Variants in WDR76 observed in about 807,000 individuals in gnomAD.
WDR76 encodes WD repeat-containing protein 76.
Under a neutral mutation model 70.2 loss-of-function variants are expected in WDR76, and 52 were observed. The ratio of observed to expected loss-of-function variants is 0.74; its 90% CI spans 0.59 to 0.93. The LOEUF (loss-of-function observed/expected upper bound fraction) is 0.93, where lower values mean the gene tolerates loss of function less well. Ranked by LOEUF, WDR76 falls within the 40% of genes least tolerant of loss-of-function variation. The pLI is 0.00. For synonymous variants in WDR76, 292 were observed against 271.1 expected (o/e 1.08, Z -0.76); for missense variants, 756 against 760.2 (o/e 0.99, Z 0.07).
intron 12 of WDR76, among the ~76,000 whole-genome samples, chr15:43,863,555 T>C (rs957823605): frequency 6.7e-6 from 1 of 149,882 alleles, no homozygotes. Context: ...ACTACTCTCT[T>C]TTTTAAAAAA....
intron 11 of WDR76, 105 bp from the exon 12 acceptor site, chr15:43,861,228 T>C: frequency 8.2e-6 from 8 of 973,036 alleles, no homozygotes; most frequent in Middle Eastern, 2.9e-4. Context: ...GTGACAGTTA[T>C]ATATTTCATA....
At chr15:43,860,518 T>G (rs2087982500) in intron 11 of WDR76, among the ~76,000 whole-genome samples, 1 of 152,212 alleles carries the variant, frequency 6.6e-6, no homozygotes, top group African/African-American at 2.4e-5. Context: ...ACAGTATCTC[T>G]TTGTTGCCCA....
At chr15:43,859,718 T>A (rs1262622895) in intron 11 of WDR76, among the ~76,000 whole-genome samples, 3 of 152,226 alleles carry the variant, frequency 2.0e-5, no homozygotes, top group Non-Finnish European at 4.4e-5. Context: ...TAGTTTCCTT[T>A]GTCTCAAAAG....
chr15:43,832,432 GTT>G (rs34944412), intron 2 of WDR76, among the ~76,000 whole-genome samples: 1 of 149,464 alleles, frequency 6.7e-6, no homozygotes, highest in Non-Finnish European at 1.5e-5. Context: ...GTTCATCTTT[GTT>G]TTTTTTTTGT....
chr15:43,835,668 T>G (rs1306897832), intron 3 of WDR76, among the ~76,000 whole-genome samples: 1 of 151,858 alleles, frequency 6.6e-6, no homozygotes, highest in Admixed American at 6.6e-5. Context: ...GTCTTTTTTT[T>G]TTTTTTTGAG....
chr15:43,843,932 A>G lies in WDR76; in HGVS notation c.910A>G (p.Ser304Gly). 1 of 1,603,768 alleles carries G rather than the reference A, an allele frequency of 6.2e-7. No individual in the cohort carries two copies. Among genetic ancestry groups the G allele is most frequent in the Non-Finnish European group, 8.5e-7 (1 of 1,174,514 alleles). Residue 304 changes from serine to glycine, a missense_variant, in exon 8 of 13, where the codon AGT (serine) becomes GGT (glycine). Coordinates refer to ENST00000263795, the MANE Select transcript of WDR76 (RefSeq NM_024908.4). ...YKANLNGMVI[S>G]EDTVYKVTTG... ...AGCCAATTTAAATGGCATGGTCATT[A>G]GTGAAGATACCGTTTACAAAGTTAC...
intron 8 of WDR76, among the ~76,000 whole-genome samples, chr15:43,847,625 C>T (rs2087805396): frequency 6.6e-6 from 1 of 152,132 alleles, no homozygotes; most frequent in East Asian, 1.9e-4. Context: ...GTTTCACCAT[C>T]TTGGCCAGGC....
chr15:43,846,299 C>G (rs1410313386), intron 8 of WDR76, among the ~76,000 whole-genome samples: 1 of 147,194 alleles, frequency 6.8e-6, no homozygotes, highest in Non-Finnish European at 1.5e-5. Context: ...TTTTTTCCCG[C>G]CCCTGAGATA....
Position 43,866,366 on chromosome 15 carries a change from GT to G in WDR76, c.1860del (p.Phe620LeufsTer2). 1 of 1,613,984 alleles carries G rather than the reference GT, an allele frequency of 6.2e-7. No homozygotes were observed. Among genetic ancestry groups the G allele is most frequent in the Non-Finnish European group, 8.5e-7 (1 of 1,179,864 alleles). ...AGGNSSGKIH[V>X]FMNEKSC ...AGGTAATTCCAGCGGGAAGATACATGTTTTTATGAATGAAAAAAGCTGCTGA... is the reference window on the plus strand; with the variant it reads ...AGGTAATTCCAGCGGGAAGATACATGTTTTATGAATGAAAAAAGCTGCTGA... On this transcript the variant is annotated frameshift_variant, in exon 13 of 13. Transcript: ENST00000263795. LOFTEE classifies it high-confidence loss of function.
intron 4 of WDR76, 129 bp downstream of exon 4, chr15:43,836,345 A>T: frequency 1.6e-6 from 1 of 626,566 alleles, no homozygotes; most frequent in Admixed American, 3.9e-5. Context: ...TCCCTCTAGG[A>T]TCTCTGAGGG....
intron 1 of WDR76, among the ~76,000 whole-genome samples, chr15:43,827,492 A>C (rs1455255950): frequency 6.6e-6 from 1 of 152,196 alleles, no homozygotes; most frequent in Non-Finnish European, 1.5e-5. Flanking sequence ...AGTGAATTAC[A>C]TATCTAGGAT....
At chr15:43,836,238 G>T in intron 4 of WDR76, 22 bp downstream of exon 4, 1 of 1,602,802 alleles carries the variant, frequency 6.2e-7, no homozygotes, top group African/African-American at 1.3e-5. Context: ...AGTTTGCAAT[G>T]CCTGAACCAT....
intron 12 of WDR76, among the ~76,000 whole-genome samples, chr15:43,862,467 G>A (rs568162668): frequency 8.0e-5 from 12 of 149,356 alleles, no homozygotes; most frequent in Middle Eastern, 3.6e-3. Context: ...ACAGGTGCAC[G>A]CCACCCTGCC....
At chr15:43,849,976 G>A (rs1290581997) in intron 8 of WDR76, among the ~76,000 whole-genome samples, 1 of 152,090 alleles carries the variant, frequency 6.6e-6, no homozygotes, top group Non-Finnish European at 1.5e-5. Context: ...AACAGGAAGA[G>A]TATGTGTGAT....
At chr15:43,837,126 G>C (rs921976523) in intron 4 of WDR76, among the ~76,000 whole-genome samples, 3 of 151,874 alleles carry the variant, frequency 2.0e-5, no homozygotes, top group African/African-American at 7.3e-5. Context: ...TTGAACTCAA[G>C]GGTGTTTAAA....
intron 12 of WDR76, among the ~76,000 whole-genome samples, chr15:43,862,923 G>A (rs1001317428): frequency 6.6e-6 from 1 of 150,860 alleles, no homozygotes; most frequent in Admixed American, 6.6e-5. Flanking sequence ...GATTACAAGT[G>A]TGAGCCACTG....
chr15:43,852,512 C>T (rs1395293626), intron 9 of WDR76, among the ~76,000 whole-genome samples: 11 of 152,112 alleles, frequency 7.2e-5, no homozygotes, highest in African/African-American at 2.7e-4. Flanking sequence ...GCTGGGACTA[C>T]AGGCGCATGC....
At chr15:43,860,825 A>T (rs185936738) in intron 11 of WDR76, among the ~76,000 whole-genome samples, 27 of 151,846 alleles carry the variant, frequency 1.8e-4, no homozygotes, top group African/African-American at 6.5e-4. Flanking sequence ...TCTACGCTAA[A>T]CTATAAGCAC....
intron 8 of WDR76, among the ~76,000 whole-genome samples, chr15:43,845,381 G>C (rs1054380631): frequency 6.7e-6 from 1 of 150,246 alleles, no homozygotes; most frequent in Non-Finnish European, 1.5e-5. Context: ...GAGGTGATTA[G>C]GTCATGAATA....
Sources: gnomAD v4.1 joint callset for allele counts (sites outside exome capture counted in the v4.1 genomes callset) on GRCh38, gnomAD v4.1.1 for gene constraint, MANE v1.5 for transcripts, NCBI Gene and HGNC (gene_info 2026-07-23, HGNC 2026-07-21) for gene names.